Variants in ATP8A2 observed in about 807,000 individuals in gnomAD.
ATP8A2 encodes the protein phospholipid-transporting ATPase IB.
ATP8A2 carries 100 observed loss-of-function variants against 165.6 expected under a neutral mutation model. The ratio of observed to expected loss-of-function variants is 0.60; its 90% CI spans 0.51 to 0.71. The LOEUF (loss-of-function observed/expected upper bound fraction) is 0.71, where lower values mean the gene tolerates loss of function less well. Among genes scored for constraint, ATP8A2 ranks in the 30% least tolerant of loss-of-function variants. The pLI, the probability that ATP8A2 is intolerant of heterozygous loss-of-function variation, is 0.00. For missense variants in ATP8A2, 1,227 were observed against 1,479.5 expected (o/e 0.83, Z 2.80); for synonymous variants, 543 against 548.8 (o/e 0.99, Z 0.15).
intron 35 of ATP8A2, among the ~76,000 whole-genome samples, chr13:26,001,988 T>C (rs1956638493): frequency 6.6e-6 from 1 of 152,220 alleles, no homozygotes; most frequent in Non-Finnish European, 1.5e-5. Context: ...TTCTAGCTCT[T>C]ATATTTATGC....
At chr13:26,007,735 G>A (rs943687971) in intron 35 of ATP8A2, among the ~76,000 whole-genome samples, 1 of 152,170 alleles carries the variant, frequency 6.6e-6, no homozygotes, top group African/African-American at 2.4e-5. Flanking sequence ...AAGCCAGCAG[G>A]GTTAGAGGAG....
intron 1 of ATP8A2, among the ~76,000 whole-genome samples, chr13:25,380,697 G>T (rs2032804656): frequency 6.6e-6 from 1 of 152,074 alleles, no homozygotes. Context: ...AGATCATCTA[G>T]TCCAAATATT....
chr13:25,518,106 G>A (rs1241677037), intron 2 of ATP8A2, among the ~76,000 whole-genome samples: 1 of 152,242 alleles, frequency 6.6e-6, no homozygotes, highest in Non-Finnish European at 1.5e-5. Flanking sequence ...AAGGGCTTTT[G>A]CATTTGGTGG....
intron 35 of ATP8A2, among the ~76,000 whole-genome samples, chr13:25,992,521 C>T (rs1266689520): frequency 1.3e-5 from 2 of 152,008 alleles, no homozygotes; most frequent in Admixed American, 6.5e-5. Flanking sequence ...CTTTCAGCCT[C>T]CTAATAGGGC....
At chr13:25,739,348 A>G (rs141257520) in intron 25 of ATP8A2, among the ~76,000 whole-genome samples, 2 of 152,384 alleles carry the variant, frequency 1.3e-5, no homozygotes, top group East Asian at 3.9e-4. Flanking sequence ...TGAATGGGAA[A>G]TTCTGTTCTC....
intron 1 of ATP8A2, among the ~76,000 whole-genome samples, chr13:25,410,044 G>C (rs1439383948): frequency 1.3e-5 from 2 of 150,298 alleles, no homozygotes; most frequent in Non-Finnish European, 1.5e-5. Context: ...AATGGGTTCA[G>C]CCATTAGGAG....
intron 33 of ATP8A2, among the ~76,000 whole-genome samples, chr13:25,930,292 T>C (rs930460050): frequency 6.6e-6 from 1 of 152,228 alleles, no homozygotes; most frequent in Non-Finnish European, 1.5e-5. Flanking sequence ...AGAACCCAGA[T>C]ACCTGCTAAC....
At chr13:25,656,486 G>C (rs1478368414) in intron 24 of ATP8A2, among the ~76,000 whole-genome samples, 1 of 151,924 alleles carries the variant, frequency 6.6e-6, no homozygotes, top group Non-Finnish European at 1.5e-5. Flanking sequence ...ATGTTGGCCA[G>C]GCTGGTCTTG....
At chr13:25,503,650 CTTGTGGATCTTTCAGAGTTTGA>C (rs1312034138) in intron 2 of ATP8A2, among the ~76,000 whole-genome samples, 1 of 152,132 alleles carries the variant, frequency 6.6e-6, no homozygotes, top group Admixed American at 6.5e-5. Context: ...TATATTTTCT[CTTGTGGATCTTTCAGAGTTTGA>C]TTAGGTGCCA....
intron 24 of ATP8A2, among the ~76,000 whole-genome samples, chr13:25,596,720 G>C (rs1011901114): frequency 1.3e-5 from 2 of 152,144 alleles, no homozygotes; most frequent in African/African-American, 4.8e-5. Context: ...TAAAGCTGCT[G>C]TAAGGGTTTT....
intron 10 of ATP8A2, among the ~76,000 whole-genome samples, chr13:25,549,353 G>A (rs1218603209): frequency 2.0e-5 from 3 of 151,784 alleles, no homozygotes; most frequent in Non-Finnish European, 2.9e-5. Flanking sequence ...CCAGCTACTT[G>A]GGAGGTTGAG....
chr13:25,527,407 A>T (rs896026157), intron 2 of ATP8A2, among the ~76,000 whole-genome samples: 10 of 152,150 alleles, frequency 6.6e-5, no homozygotes, highest in African/African-American at 2.4e-4. Flanking sequence ...GCTCTCCAGG[A>T]GACTGGTGTG....
At chr13:25,830,400 GA>G (rs1951432159) in intron 28 of ATP8A2, among the ~76,000 whole-genome samples, 1 of 152,126 alleles carries the variant, frequency 6.6e-6, no homozygotes, top group Admixed American at 6.5e-5. Flanking sequence ...CACTGTGATA[GA>G]AAAGTGTATT....
At chr13:25,465,348 T>C (rs1048791067) in intron 1 of ATP8A2, among the ~76,000 whole-genome samples, 1 of 152,176 alleles carries the variant, frequency 6.6e-6, no homozygotes, top group Non-Finnish European at 1.5e-5. Flanking sequence ...TAACTATTTC[T>C]ACCTAGGAAA....
intron 24 of ATP8A2, among the ~76,000 whole-genome samples, chr13:25,620,377 A>G (rs898900069): frequency 6.6e-6 from 1 of 152,188 alleles, no homozygotes; most frequent in African/African-American, 2.4e-5. Flanking sequence ...AAATCTTTGA[A>G]GAATGGGGTT....
chr13:25,847,317 AT>A (rs1951890165), intron 30 of ATP8A2, among the ~76,000 whole-genome samples: 1 of 152,156 alleles, frequency 6.6e-6, no homozygotes, highest in Non-Finnish European at 1.5e-5. Context: ...CAAATGCAAG[AT>A]TTTTGTTTCT....
intron 24 of ATP8A2, among the ~76,000 whole-genome samples, chr13:25,698,917 A>C (rs2042891798): frequency 6.6e-6 from 1 of 152,196 alleles, no homozygotes; most frequent in Non-Finnish European, 1.5e-5. Flanking sequence ...CACCAAGAAT[A>C]ATGTGTATGT....
At chr13:25,832,983 C>T (rs1399049694) in intron 28 of ATP8A2, among the ~76,000 whole-genome samples, 4 of 151,506 alleles carry the variant, frequency 2.6e-5, no homozygotes, top group East Asian at 1.9e-4. Context: ...GATAAATACT[C>T]GAATTATAAG....
At chr13:25,614,631 T>C (rs529124068) in intron 24 of ATP8A2, among the ~76,000 whole-genome samples, 4 of 152,308 alleles carry the variant, frequency 2.6e-5, no homozygotes, top group Admixed American at 6.5e-5. Context: ...GTGGGCACAT[T>C]ATGTGAGAGG....
Sources: gnomAD v4.1 joint callset for allele counts (sites outside exome capture counted in the v4.1 genomes callset) on GRCh38, gnomAD v4.1.1 for gene constraint, MANE v1.5 for transcripts, NCBI Gene and HGNC (gene_info 2026-07-23, HGNC 2026-07-21) for gene names.